STK31: variants seen among roughly 807,000 people sequenced by gnomAD.
STK31 encodes the protein serine/threonine kinase 31, also known as serine/threonine-protein kinase 31.
Under a neutral mutation model 129.7 loss-of-function variants are expected in STK31, and 89 were observed. The ratio of observed to expected loss-of-function variants is 0.69; its 90% CI spans 0.58 to 0.82. The LOEUF (loss-of-function observed/expected upper bound fraction) is 0.82, where lower values mean the gene tolerates loss of function less well. Ranked by LOEUF, STK31 falls within the 40% of genes least tolerant of loss-of-function variation. The pLI, the probability that STK31 is intolerant of heterozygous loss-of-function variation, is 0.00. For synonymous variants in STK31, 448 were observed against 395.3 expected (o/e 1.13, Z -1.58); for missense variants, 1,187 against 1,176.4 (o/e 1.01, Z -0.13).
chr7:23,793,341 A>G (rs1791755685), intron 22 of STK31, among the ~76,000 whole-genome samples: 1 of 152,366 alleles, frequency 6.6e-6, no homozygotes, highest in African/African-American at 2.4e-5. Context: ...TTTGGCAAAG[A>G]TTTCTTAAGT....
chr7:23,830,433 G>A (rs977244027), intron 23 of STK31, among the ~76,000 whole-genome samples: 10 of 152,026 alleles, frequency 6.6e-5, no homozygotes, highest in African/African-American at 2.4e-4. Context: ...CATCAGTTTT[G>A]TTATGTTGCT....
intron 4 of STK31, among the ~76,000 whole-genome samples, chr7:23,718,096 T>C (rs1016682529): frequency 6.6e-6 from 1 of 152,130 alleles, no homozygotes; most frequent in Non-Finnish European, 1.5e-5. Context: ...GATAGTCAAT[T>C]TTATGTTATG....
chr7:23,754,372 G>A lies in STK31; in HGVS notation c.1191G>A (p.Leu397=), dbSNP rs1165040036. Residue 397 remains leucine, a synonymous_variant, in exon 10 of 24, where the codon TTG becomes TTA. Transcript: ENST00000355870. The part of the protein sequence containing the change: ...GKDLSDAIQV[L]DEGCFTTPAS... ...ACCTTTCAGATGCTATACAAGTGTT[G>A]GATGAAGGGTGCTTTACTACTCCAG... 6.2e-7 allele frequency: 1 copy of A among 1,613,890 alleles called. No individual in the cohort carries two copies. The highest frequency in any genetic ancestry group is 1.3e-5 in the African/African-American group (1 of 74,908).
chr7:23,741,695 G>T (rs1788064962), intron 8 of STK31, among the ~76,000 whole-genome samples: 1 of 152,186 alleles, frequency 6.6e-6, no homozygotes, highest in South Asian at 2.1e-4. Context: ...TCATAAGGGT[G>T]CCATCTGTAG....
chr7:23,723,560 T>A (rs1415676806), intron 4 of STK31, among the ~76,000 whole-genome samples: 1 of 152,186 alleles, frequency 6.6e-6, no homozygotes, highest in African/African-American at 2.4e-5. Flanking sequence ...GTGTCAGTAA[T>A]TAAGTGATTA....
intron 10 of STK31, among the ~76,000 whole-genome samples, chr7:23,756,179 TG>T (rs1302105047): frequency 6.6e-6 from 1 of 152,208 alleles, no homozygotes; most frequent in African/African-American, 2.4e-5. Flanking sequence ...CCTTGAGCAG[TG>T]GTTTGTAGTT....
chr7:23,798,657 A>C (rs568870406), intron 22 of STK31, among the ~76,000 whole-genome samples: 1 of 152,342 alleles, frequency 6.6e-6, no homozygotes, highest in Non-Finnish European at 1.5e-5. Flanking sequence ...CTGAATGGGC[A>C]AAAACTGGAA....
chr7:23,791,086 A>G (rs1467892768), intron 22 of STK31, 140 bp downstream of exon 22: 13 of 932,342 alleles, frequency 1.4e-5, no homozygotes, highest in African/African-American at 1.2e-4. Context: ...AACTATTGAT[A>G]TGCTTCCTAT....
At chr7:23,710,472 C>T in intron 1 of STK31, 137 bp downstream of exon 1, 1 of 1,533,678 alleles carries the variant, frequency 6.5e-7, no homozygotes, top group Non-Finnish European at 8.8e-7. Context: ...CGCCCGCCAC[C>T]CCAGAGGGGT....
chr7:23,827,291 C>G (rs564454072), intron 23 of STK31, among the ~76,000 whole-genome samples: 1 of 152,222 alleles, frequency 6.6e-6, no homozygotes, highest in South Asian at 2.1e-4. Context: ...AGGCTTTGTT[C>G]ATTTCTTTTT....
At chr7:23,735,934 A>G in intron 7 of STK31, 38 bp downstream of exon 7, 1 of 1,481,330 alleles carries the variant, frequency 6.8e-7, no homozygotes, top group South Asian at 1.3e-5. Flanking sequence ...AATTGATGGT[A>G]GAGGTCCCTG....
intron 6 of STK31, among the ~76,000 whole-genome samples, chr7:23,732,950 CAGTT>C (rs1240091795): frequency 6.6e-6 from 1 of 152,060 alleles, no homozygotes; most frequent in Non-Finnish European, 1.5e-5. Context: ...ACATATATTT[CAGTT>C]AGTTATATTT....
chr7:23,749,073 G>T (rs985498239), intron 8 of STK31, among the ~76,000 whole-genome samples: 1 of 152,132 alleles, frequency 6.6e-6, no homozygotes, highest in Non-Finnish European at 1.5e-5. Context: ...AGTCATTTTT[G>T]ATTTCCGTTA....
At chr7:23,710,656 A>T in intron 1 of STK31, 2 of 1,169,638 alleles carry the variant, frequency 1.7e-6, no homozygotes, top group Non-Finnish European at 2.1e-6. Context: ...AGTGTCAGAG[A>T]GCTACGTGTA....
chr7:23,810,892 TTATATA>T (rs1326709671), intron 22 of STK31, among the ~76,000 whole-genome samples: 1 of 138,204 alleles, frequency 7.2e-6, no homozygotes, highest in Non-Finnish European at 1.5e-5. Flanking sequence ...TAATATATAT[TTATATA>T]TAAATATACA....
rs775709511 is a variant in STK31 at position 23,788,057 on chromosome 7, T to C, written c.2565T>C (p.Leu855=). ...LHKADIIHGS[L]HQNNVFALNR... is the part of the protein sequence containing the mutation. The stretch of plus-strand genomic sequence containing the variant: ...AGGCTGACATAATTCATGGATCACT[T>C]CATCAGAACAATGTATTTGCTTTAA... Residue 855 remains leucine, a synonymous_variant, in exon 21 of 24, where the codon CTT becomes CTC. Coordinates refer to ENST00000355870, the MANE Select transcript of STK31 (RefSeq NM_031414.5). The C allele has an allele frequency of 5.0e-6, 8 of 1,612,870 alleles. No individual in the cohort carries two copies. In the East Asian group the frequency reaches 1.6e-4, roughly 31 times the overall value.
chr7:23,790,996 T>TATA, intron 22 of STK31, 50 bp downstream of exon 22: 1 of 1,294,434 alleles, frequency 7.7e-7, no homozygotes, highest in Admixed American at 3.2e-5. Flanking sequence ...TATTTCAGTA[T>TATA]ATAAAGTGAT....
chr7:23,772,374 T>C, intron 15 of STK31, 96 bp downstream of exon 15: 1 of 1,249,594 alleles, frequency 8.0e-7, no homozygotes, highest in Non-Finnish European at 1.1e-6. Flanking sequence ...CTCTTTACAA[T>C]AAGAGAGCCA....
At chr7:23,749,480 C>T (rs1458282224) in intron 8 of STK31, among the ~76,000 whole-genome samples, 1 of 150,008 alleles carries the variant, frequency 6.7e-6, no homozygotes, top group Non-Finnish European at 1.5e-5. Flanking sequence ...GTAACTGGGA[C>T]TACAGGTGTG....
Sources: gnomAD v4.1 joint callset for allele counts (sites outside exome capture counted in the v4.1 genomes callset) on GRCh38, gnomAD v4.1.1 for gene constraint, MANE v1.5 for transcripts, NCBI Gene and HGNC (gene_info 2026-07-23, HGNC 2026-07-21) for gene names.